The following B4GALT6 variants were observed in gnomAD, a reference collection of about 807,000 sequenced individuals.
B4GALT6 encodes the protein beta-1,4-galactosyltransferase 6, also known as UDP-Gal:beta-GlcNAc beta-1,4-galactosyltransferase 6.
A neutral mutation model predicts 46.3 loss-of-function variants in B4GALT6; 14 were observed. That is an observed-to-expected ratio of 0.30 (90% CI 0.20 to 0.47). The LOEUF (loss-of-function observed/expected upper bound fraction) is 0.47. B4GALT6 is among the 20% of genes least tolerant of loss of function. The pLI is 0.99. For missense variants in B4GALT6, 386 were observed against 480.1 expected (o/e 0.80, Z 1.83); for synonymous variants, 168 against 162.0 (o/e 1.04, Z -0.28).
At chr18:31,644,731 A>G (rs1203798022) in intron 4 of B4GALT6, among the ~76,000 whole-genome samples, 2 of 152,322 alleles carry the variant, frequency 1.3e-5, no homozygotes, top group Non-Finnish European at 2.9e-5. Context: ...ACCCCCTTAC[A>G]GTTTTTCAAA....
intron 6 of B4GALT6, among the ~76,000 whole-genome samples, chr18:31,628,848 C>T (rs2073737182): frequency 6.6e-6 from 1 of 152,238 alleles, no homozygotes; most frequent in South Asian, 2.1e-4. Context: ...GACGCTTGAA[C>T]AACACAGGTT....
chr18:31,710,861 A>T, the B4GALT6 span, among the ~76,000 whole-genome samples: 2 of 59,666 alleles, frequency 3.4e-5, no homozygotes, highest in African/African-American at 8.6e-5. Flanking sequence ...ATAATCCTCA[A>T]ATCTTTTAAG....
chr18:31,680,658 A>G (rs115934528), intron 1 of B4GALT6, among the ~76,000 whole-genome samples: 145 of 152,328 alleles, frequency 9.5e-4, no homozygotes, highest in African/African-American at 3.4e-3. Flanking sequence ...GAAGTTATGT[A>G]ATCTCCTCCC....
At chr18:31,627,157 T>C in intron 6 of B4GALT6, 36 bp from the exon 7 acceptor site, 1 of 1,550,904 alleles carries the variant, frequency 6.4e-7, no homozygotes, top group Non-Finnish European at 8.7e-7. Flanking sequence ...AAAAATAAAA[T>C]CATAATAATT....
At chr18:31,697,929 A>G in the B4GALT6 span, among the ~76,000 whole-genome samples, 1 of 152,154 alleles carries the variant, frequency 6.6e-6, no homozygotes, top group Admixed American at 6.5e-5. Context: ...TGTGGTTTCA[A>G]TATCTTGTTT....
chr18:31,664,247 G>A (rs970544760), intron 2 of B4GALT6, among the ~76,000 whole-genome samples: 1 of 152,110 alleles, frequency 6.6e-6, no homozygotes, highest in Admixed American at 6.5e-5. Context: ...TTACTTTAAG[G>A]AGCCTCCATA....
At chr18:31,713,421 C>T in the B4GALT6 span, among the ~76,000 whole-genome samples, 1 of 152,142 alleles carries the variant, frequency 6.6e-6, no homozygotes, top group African/African-American at 2.4e-5. Context: ...AGTTTATACA[C>T]CTCATTTCAT....
At chr18:31,666,166 A>T in intron 2 of B4GALT6, 90 bp downstream of exon 2, 1 of 629,066 alleles carries the variant, frequency 1.6e-6, no homozygotes, top group Non-Finnish European at 2.7e-6. Context: ...CTTCATCTTT[A>T]ACAGGAAGTT....
chr18:31,702,883 G>C, the B4GALT6 span, among the ~76,000 whole-genome samples: 1 of 152,154 alleles, frequency 6.6e-6, no homozygotes, highest in East Asian at 1.9e-4. Context: ...AGGGGAAATG[G>C]GAGGTATGCA....
the B4GALT6 span, among the ~76,000 whole-genome samples, chr18:31,697,898 A>G: frequency 1.3e-5 from 2 of 152,124 alleles, no homozygotes; most frequent in African/African-American, 4.8e-5. Flanking sequence ...TATCACTATT[A>G]CAGTTTTTTT....
At chr18:31,638,035 C>T (rs533472316) in intron 5 of B4GALT6, among the ~76,000 whole-genome samples, 2 of 152,030 alleles carry the variant, frequency 1.3e-5, no homozygotes, top group South Asian at 2.1e-4. Context: ...CACATTTAAT[C>T]CTGTAAGGTA....
the B4GALT6 span, among the ~76,000 whole-genome samples, chr18:31,717,773 G>A: frequency 1.3e-5 from 2 of 152,020 alleles, no homozygotes; most frequent in Non-Finnish European, 2.9e-5. Context: ...TGACCAACAT[G>A]GAGAAACCCC....
chr18:31,652,425 C>T (rs992496026), intron 3 of B4GALT6, among the ~76,000 whole-genome samples: 5 of 152,114 alleles, frequency 3.3e-5, no homozygotes, highest in African/African-American at 7.2e-5. Flanking sequence ...TGCCTCGCCC[C>T]CCAGACACCA....
chr18:31,654,716 T>C (rs2074117330), intron 3 of B4GALT6, among the ~76,000 whole-genome samples: 2 of 152,340 alleles, frequency 1.3e-5, no homozygotes, highest in East Asian at 3.9e-4. Flanking sequence ...TAAGTAAATA[T>C]TACTTGTACT....
chr18:31,695,306 A>AAG, the B4GALT6 span, among the ~76,000 whole-genome samples: 6 of 151,518 alleles, frequency 4.0e-5, no homozygotes, highest in Non-Finnish European at 8.8e-5. Flanking sequence ...AAAAAAAAAA[A>AAG]TCTTCAAAGA....
chr18:31,652,830 C>T (rs894104995), intron 3 of B4GALT6, among the ~76,000 whole-genome samples: 7 of 152,140 alleles, frequency 4.6e-5, no homozygotes, highest in African/African-American at 1.7e-4. Flanking sequence ...TTGTTGTTGC[C>T]CGTCGGCTTC....
chr18:31,685,370 A>G (rs922772674), upstream of B4GALT6, among the ~76,000 whole-genome samples: 19 of 151,568 alleles, frequency 1.3e-4, no homozygotes, highest in African/African-American at 4.6e-4. Flanking sequence ...GGTTGGAGAA[A>G]GAGGCGGACG....
intron 3 of B4GALT6, among the ~76,000 whole-genome samples, chr18:31,656,660 C>CA (rs1567972949): frequency 6.7e-6 from 1 of 149,804 alleles, no homozygotes; most frequent in African/African-American, 2.5e-5. Context: ...GGTTTAAGAC[C>CA]AAAAAAAAGC....
rs1160357396 is a variant in B4GALT6, at chr18:31,627,133, A to T, written c.777-12T>A. On this transcript the variant is annotated splice_polypyrimidine_tract_variant and intron_variant, in intron 6 of 8. Coordinates refer to ENST00000306851, the MANE Select transcript of B4GALT6 (RefSeq NM_004775.5). ...CTTTATATGGAAGACTAGAAAAGAA[A>T]GACACAGTATTCTAAAAATAAAATC... The T allele has an allele frequency of 6.9e-6, 11 of 1,585,614 alleles. No homozygotes were observed. Among genetic ancestry groups the T allele is most frequent in the Non-Finnish European group, 9.4e-6 (11 of 1,169,860 alleles).
Sources: gnomAD v4.1 joint callset for allele counts (sites outside exome capture counted in the v4.1 genomes callset) on GRCh38, gnomAD v4.1.1 for gene constraint, MANE v1.5 for transcripts, NCBI Gene and HGNC (gene_info 2026-07-23, HGNC 2026-07-21) for gene names.